The following ARHGAP25 variants were observed in gnomAD, a reference collection of about 807,000 sequenced individuals.
ARHGAP25 encodes the protein Rho GTPase activating protein 25.
Under a neutral mutation model 71.0 loss-of-function variants are expected in ARHGAP25, and 34 were observed. The ratio of observed to expected loss-of-function variants is 0.48; its 90% confidence interval spans 0.36 to 0.64. The LOEUF (loss-of-function observed/expected upper bound fraction) is 0.64, where lower values mean the gene tolerates loss of function less well. ARHGAP25 is among the 30% of genes least tolerant of loss of function. ARHGAP25 has a pLI of 0.00. For synonymous variants in ARHGAP25, 282 were observed against 296.5 expected, an observed-to-expected ratio of 0.95 and a Z score of 0.50; for missense variants, 706 against 805.1, an observed-to-expected ratio of 0.88 and a Z score of 1.49.
intron 1 of ARHGAP25, chr2:68,774,784 G>A (rs1677746641): frequency 1.9e-6 from 2 of 1,034,896 alleles, no homozygotes; most frequent in Admixed American, 5.2e-5. Context: ...GGCCTCTGCA[G>A]CTGCGTGGGA....
At chr2:68,799,699 G>C (rs567934725) in intron 4 of ARHGAP25, among the ~76,000 whole-genome samples, 1 of 152,332 alleles carries the variant, frequency 6.6e-6, no homozygotes, top group East Asian at 1.9e-4. Flanking sequence ...CTGTTTAAAA[G>C]CTGGAGAGTC....
intron 1 of ARHGAP25, among the ~76,000 whole-genome samples, chr2:68,737,381 G>A (rs569265152): frequency 7.2e-5 from 11 of 152,284 alleles, no homozygotes; most frequent in African/African-American, 2.2e-4. Context: ...TGGTTTTAAC[G>A]TTTTCTCAAC....
intron 9 of ARHGAP25, among the ~76,000 whole-genome samples, chr2:68,821,928 T>G (rs948159100): frequency 4.8e-5 from 6 of 126,064 alleles, no homozygotes; most frequent in African/African-American, 1.8e-4. Flanking sequence ...TTTTTTTTTT[T>G]GGTTTGGCAT....
At chr2:68,734,628 CTG>C (rs1675116852), upstream of ARHGAP25, among the ~76,000 whole-genome samples, 1 of 152,174 alleles carries the variant, frequency 6.6e-6, no homozygotes, top group Admixed American at 6.5e-5. Context: ...CTAATTAAAA[CTG>C]TAATCTTTTA....
chr2:68,795,989 A>G (rs1679512233), intron 4 of ARHGAP25, among the ~76,000 whole-genome samples: 1 of 152,140 alleles, frequency 6.6e-6, no homozygotes, highest in Admixed American at 6.5e-5. Flanking sequence ...GTTCATTTAT[A>G]TAGTTCCAAA....
chr2:68,795,686 A>C (rs1376075357), intron 4 of ARHGAP25, among the ~76,000 whole-genome samples: 1 of 152,134 alleles, frequency 6.6e-6, no homozygotes, highest in Non-Finnish European at 1.5e-5. Context: ...GGCCTGACAT[A>C]TGGCCTGTCT....
intron 1 of ARHGAP25, among the ~76,000 whole-genome samples, chr2:68,744,672 A>G (rs533151916): frequency 3.3e-5 from 5 of 152,300 alleles, no homozygotes; most frequent in Admixed American, 6.5e-5. Context: ...AAGTTTTTAC[A>G]TGTTCATTCA....
intron 4 of ARHGAP25, among the ~76,000 whole-genome samples, chr2:68,792,948 T>C (rs1390259119): frequency 6.6e-6 from 1 of 152,214 alleles, no homozygotes; most frequent in Non-Finnish European, 1.5e-5. Flanking sequence ...ATTTTTTTAC[T>C]TTTTGGTAAT....
chr2:68,762,521 C>T (rs1415337316), intron 1 of ARHGAP25, among the ~76,000 whole-genome samples: 2 of 151,852 alleles, frequency 1.3e-5, no homozygotes, highest in South Asian at 2.1e-4. Flanking sequence ...ATGTGCTAAG[C>T]CAGAGGGATT....
At position 68,789,983 on chromosome 2, in the gene ARHGAP25, GATT is replaced by G. The variant is rs79091177; in HGVS notation, c.466+2046_466+2048del. ...GTGTTGCCTCTGATACAGCATCTCA[GATT>G]ATTATTATTATTATTATTTTGAGAT... On this transcript the variant is annotated intron_variant, in intron 4 of 10. Coordinates refer to ENST00000409202, the MANE Select transcript of ARHGAP25 (RefSeq NM_001007231.3). Among the ~76,000 whole-genome samples the G allele has an allele frequency of 6.6e-5, 10 of 151,946 alleles. No homozygotes were observed. The South Asian group carries it at 1.0e-3, about 16-fold the overall frequency.
intron 1 of ARHGAP25, among the ~76,000 whole-genome samples, chr2:68,746,143 C>A (rs1339466424): frequency 6.6e-6 from 1 of 152,156 alleles, no homozygotes; most frequent in Admixed American, 6.5e-5. Context: ...TCATTTTCCC[C>A]AAAGCTTTTA....
chr2:68,718,736 G>T (rs1674681407), intron 2 of ARHGAP25, among the ~76,000 whole-genome samples: 1 of 110,594 alleles, frequency 9.0e-6, no homozygotes, highest in Non-Finnish European at 1.9e-5. Flanking sequence ...TGGTCTTTGA[G>T]TCCAGTTCCT....
At chr2:68,779,431 A>G (rs1678162642) in intron 2 of ARHGAP25, among the ~76,000 whole-genome samples, 1 of 152,232 alleles carries the variant, frequency 6.6e-6, no homozygotes, top group African/African-American at 2.4e-5. Flanking sequence ...TTTTAATAGA[A>G]AATATTTCAT....
intron 10 of ARHGAP25, among the ~76,000 whole-genome samples, chr2:68,823,588 G>A (rs1372003376): frequency 2.0e-5 from 3 of 152,208 alleles, no homozygotes; most frequent in African/African-American, 7.2e-5. Flanking sequence ...CAGGAAGAGT[G>A]GAAGCTGCCT....
At position 68,818,178 on chromosome 2, in the gene ARHGAP25, A is replaced by G. The variant is rs58475093; in HGVS notation, c.1003+184A>G. The stretch of plus-strand genomic sequence containing the variant: ...AATTGTGTCCATTTTTCAGATCACA[A>G]CAAAGGACAGAGGTCAAGGGTTTGC... On this transcript the variant is annotated intron_variant, in intron 8 of 10. Transcript: ENST00000409202. 9.4e-3 allele frequency among the ~76,000 whole-genome samples: 1,439 copies of G among 152,344 alleles called. 23 individuals are homozygous for G. The highest frequency in any genetic ancestry group is 0.033 in the African/African-American group (1,384 of 41,578).
intron 4 of ARHGAP25, among the ~76,000 whole-genome samples, chr2:68,790,845 T>C (rs1679122909): frequency 6.6e-6 from 1 of 152,216 alleles, no homozygotes; most frequent in Non-Finnish European, 1.5e-5. Flanking sequence ...GCTTCCTTTC[T>C]CACTCAGAGT....
At chr2:68,711,615 A>C (rs1674483663) in intron 2 of ARHGAP25, among the ~76,000 whole-genome samples, 1 of 151,976 alleles carries the variant, frequency 6.6e-6, no homozygotes, top group Non-Finnish European at 1.5e-5. Context: ...GATTTGCTGC[A>C]CCCATCAACC....
intron 4 of ARHGAP25, among the ~76,000 whole-genome samples, chr2:68,788,230 A>G (rs1180043307): frequency 6.6e-6 from 1 of 152,230 alleles, no homozygotes; most frequent in Non-Finnish European, 1.5e-5. Context: ...GTAAATGTGT[A>G]TGATATCTGG....
intron 4 of ARHGAP25, among the ~76,000 whole-genome samples, chr2:68,800,027 C>T (rs1679855635): frequency 6.6e-6 from 1 of 152,126 alleles, no homozygotes; most frequent in Admixed American, 6.5e-5. Flanking sequence ...AGGAAAACCC[C>T]CAAGCTCCGA....
Sources: gnomAD v4.1 joint callset for allele counts (sites outside exome capture counted in the v4.1 genomes callset) on GRCh38, gnomAD v4.1.1 for gene constraint, MANE v1.5 for transcripts, NCBI Gene and HGNC (gene_info 2026-07-23, HGNC 2026-07-21) for gene names.